CASZ1: variants seen among roughly 807,000 people sequenced by gnomAD.
CASZ1 encodes the protein castor zinc finger 1.
Under a neutral mutation model 135.2 loss-of-function variants are expected in CASZ1, and 28 were observed. The observed-to-expected ratio is 0.21, with a 90% CI of 0.15 to 0.28. CASZ1 has a LOEUF of 0.28. Among genes scored for constraint, CASZ1 ranks in the 10% least tolerant of loss-of-function variants. The probability of loss-of-function intolerance (pLI) is 1.00; values close to 1 mark genes in which losing one functional copy is unlikely to be tolerated. For missense variants in CASZ1, 2,161 were observed against 2,453.3 expected, an observed-to-expected ratio of 0.88 and a Z score of 2.52; for synonymous variants, 1,068 against 1,073.4, an observed-to-expected ratio of 0.99 and a Z score of 0.10.
At position 10,719,902 on chromosome 1, in the gene CASZ1, T is replaced by G. The variant is rs556031542; in HGVS notation, c.-76-14358A>C. Among the ~76,000 whole-genome samples, 1 of 152,366 alleles carries G rather than the reference T, an allele frequency of 6.6e-6. No homozygotes were observed. Among genetic ancestry groups the G allele is most frequent in the East Asian group, 1.9e-4 (1 of 5,186 alleles). On this transcript the variant is annotated intron_variant, in intron 2 of 20. Coordinates refer to ENST00000377022, the MANE Select transcript of CASZ1 (RefSeq NM_001079843.3). This position sits in a 1 kb window ranked among gnomAD's most constrained non-coding sequence, Gnocchi z 4.0. The stretch of plus-strand genomic sequence containing the variant: ...CTGAGAGGAGGCAAATCTTGTCTTC[T>G]TGGTGCAGTGAAGAGGCCAGCAGTG...
Position 10,659,744 on chromosome 1 carries a change from GAGA to G in CASZ1, c.1295_1297del (p.Phe432del), listed in dbSNP as rs1381123277. On this transcript the variant is annotated inframe_deletion, in exon 6 of 21. Coordinates refer to ENST00000377022, the MANE Select transcript of CASZ1 (RefSeq NM_001079843.3). ...CCCCGTGGTGATGGAGTCTGTTTTG[GAGA>G]AGGTTGACTTCAGGTACTCGGGAGT... The G allele has an allele frequency of 1.2e-5, 20 of 1,614,074 alleles. No homozygotes were observed. Among genetic ancestry groups the G allele is most frequent in the Non-Finnish European group, 1.6e-5 (19 of 1,179,946 alleles).
chr1:10,688,760 AGAG>A (rs1638673898), intron 4 of CASZ1, among the ~76,000 whole-genome samples: 1 of 152,150 alleles, frequency 6.6e-6, no homozygotes, highest in Non-Finnish European at 1.5e-5. Context: ...CCAGGCAGCC[AGAG>A]GGGTGTGCGC....
At position 10,756,039 on chromosome 1, in the gene CASZ1, C is replaced by G. The variant is rs1640248833; in HGVS notation, c.-77+4662G>C. 6.6e-6 allele frequency among the ~76,000 whole-genome samples: 1 copy of G among 152,178 alleles called. No individual in the cohort carries two copies. Among genetic ancestry groups the G allele is most frequent in the Non-Finnish European group, 1.5e-5 (1 of 68,022 alleles). On this transcript the variant is annotated intron_variant, in intron 2 of 20. Transcript: ENST00000377022. The surrounding 1 kb of genome is among the most constrained non-coding windows in gnomAD (Gnocchi z 5.9). ...GTGCACAGATGCACACGCCTCCCAC[C>G]CGGACACACCCTCCCCCAGGGCCGG...
rs1156824348 is a variant in CASZ1, at chr1:10,691,106, C to CT, written c.16+2767dup. On this transcript the variant is annotated intron_variant, in intron 4 of 20. Coordinates refer to ENST00000377022, the MANE Select transcript of CASZ1 (RefSeq NM_001079843.3). ...CTCCCTCCCTCCCTCCCTCTCTTTC[C>CT]TTTTTTTTTTATTAGCATTTGTGGA... 3.8e-4 allele frequency among the ~76,000 whole-genome samples: 50 copies of CT among 130,030 alleles called. 1 individual carries two copies. In the East Asian group the frequency reaches 4.1e-3, roughly 11 times the overall value. 85.3% of individuals were successfully genotyped at this position (130,030 alleles called of 152,430 possible). A position where few individuals can be genotyped will look rare whatever the true frequency, so the allele number is the denominator to read the frequency against.
intron 2 of CASZ1, among the ~76,000 whole-genome samples, chr1:10,708,239 C>T (rs556682566): frequency 1.3e-5 from 2 of 152,194 alleles, no homozygotes; most frequent in Non-Finnish European, 2.9e-5. Context: ...TTCTGACCTC[C>T]TTCCTCCTGT....
intron 1 of CASZ1, among the ~76,000 whole-genome samples, chr1:10,768,054 C>A (rs944981768): frequency 1.3e-5 from 2 of 152,176 alleles, no homozygotes; most frequent in African/African-American, 4.8e-5. Context: ...TCACAAGGAG[C>A]GGGAGGCCTG....
In CASZ1 at chr1:10,657,399, G is replaced by A. The variant is rs1420751495; in HGVS notation, c.1410-663C>T. On this transcript the variant is annotated intron_variant, in intron 7 of 20. Coordinates refer to ENST00000377022, the MANE Select transcript of CASZ1 (RefSeq NM_001079843.3). This position sits in a 1 kb window ranked among gnomAD's most constrained non-coding sequence, Gnocchi z 5.7. ...CACTCTGGAGAGGCCACACCATGAC[G>A]ACTGTGGAGAAGGGTGTGACTCAGC... 2.6e-5 allele frequency among the ~76,000 whole-genome samples: 4 copies of A among 152,176 alleles called. No individual in the cohort carries two copies. Among genetic ancestry groups the A allele is most frequent in the Non-Finnish European group, 4.4e-5 (3 of 68,032 alleles).
Position 10,735,881 on chromosome 1 carries a change from C to G in CASZ1, c.-77+24820G>C, listed in dbSNP as rs1430047513. On this transcript the variant is annotated intron_variant, in intron 2 of 20. Coordinates refer to ENST00000377022, the MANE Select transcript of CASZ1 (RefSeq NM_001079843.3). The surrounding 1 kb of genome is among the most constrained non-coding windows in gnomAD (Gnocchi z 5.1). ...GGATCAGGGGCAGCCCCAGGCACATCAGGTTGAAAATGTGCTTTTTCAGCC... is the reference window on the plus strand; with the variant it reads ...GGATCAGGGGCAGCCCCAGGCACATGAGGTTGAAAATGTGCTTTTTCAGCC... Among the ~76,000 whole-genome samples the G allele has an allele frequency of 6.6e-6, 1 of 152,156 alleles. No homozygotes were observed. The highest frequency in any genetic ancestry group is 1.5e-5 in the Non-Finnish European group (1 of 68,028).
In CASZ1 at chr1:10,684,000, G is replaced by A. The variant is rs1570471198; in HGVS notation, c.16+9874C>T. Among the ~76,000 whole-genome samples, 3 of 152,316 alleles carry A rather than the reference G, an allele frequency of 2.0e-5. No homozygotes were observed. The East Asian group carries it at 5.8e-4, about 29-fold the overall frequency. On this transcript the variant is annotated intron_variant, in intron 4 of 20. Coordinates refer to ENST00000377022, the MANE Select transcript of CASZ1 (RefSeq NM_001079843.3). Reference sequence around the variant, plus strand: ...TTGGAACAGTGCTCAGGGGCGCCCCGCACCAAGTCCTCTGACATTTAGCAT... The same window carrying A: ...TTGGAACAGTGCTCAGGGGCGCCCCACACCAAGTCCTCTGACATTTAGCAT...
chr1:10,677,992 G>T (rs1012072446), intron 4 of CASZ1, among the ~76,000 whole-genome samples: 3 of 152,236 alleles, frequency 2.0e-5, no homozygotes, highest in Non-Finnish European at 4.4e-5. Context: ...GGTAGGACGT[G>T]TGTGGCAGGA....
rs922724550 is a variant in CASZ1 at position 10,647,935 on chromosome 1, C to G, written c.3363G>C (p.Gln1121His). ...PSTPTLLAWK[Q>H]LASTIPQMPQ... The stretch of plus-strand genomic sequence containing the variant: ...GCATCTGGGGTATGGTGGAAGCCAG[C>G]TGCTTCCAGGCGAGCAGGGTGGGGG... Residue 1121 changes from glutamine to histidine, a missense_variant, in exon 16 of 21, where the codon CAG (glutamine) becomes CAC (histidine). Physicochemically the swap from Gln to His is conservative, Grantham distance 24. Transcript: ENST00000377022. The surrounding 1 kb of genome is among the most constrained non-coding windows in gnomAD (Gnocchi z 4.9). The G allele has an allele frequency of 1.7e-5, 27 of 1,612,782 alleles. No homozygotes were observed. Among genetic ancestry groups the G allele is most frequent in the Non-Finnish European group, 2.2e-5 (26 of 1,179,466 alleles).
In CASZ1 at chr1:10,721,786, G is replaced by A. The variant is rs1161909704; in HGVS notation, c.-76-16242C>T. Among the ~76,000 whole-genome samples the A allele has an allele frequency of 1.3e-5, 2 of 152,256 alleles. No homozygotes were observed. The highest frequency in any genetic ancestry group is 4.8e-5 in the African/African-American group (2 of 41,478). ...GGAGGCCTCAGGCAGCTTCAGCCCA[G>A]CAAGTCTCTGGGTCGTGGTGGAGGC... On this transcript the variant is annotated intron_variant, in intron 2 of 20. Coordinates refer to ENST00000377022, the MANE Select transcript of CASZ1 (RefSeq NM_001079843.3). The surrounding 1 kb of genome is among the most constrained non-coding windows in gnomAD (Gnocchi z 5.4).
intron 1 of CASZ1, among the ~76,000 whole-genome samples, chr1:10,779,552 TA>T (rs773687159): frequency 2.5e-4 from 38 of 152,210 alleles, no homozygotes; most frequent in South Asian, 1.2e-3. Flanking sequence ...TTTTTAATCA[TA>T]GGGGGGGAAT....
In CASZ1 at chr1:10,711,232, G is replaced by A. The variant is rs2100457444; in HGVS notation, c.-76-5688C>T. Among the ~76,000 whole-genome samples, 1 of 152,356 alleles carries A rather than the reference G, an allele frequency of 6.6e-6. No homozygotes were observed. Among genetic ancestry groups the A allele is most frequent in the African/African-American group, 2.4e-5 (1 of 41,590 alleles). ...CTCCTGCCATGCAATTGGGTACGCA[G>A]GCTGCTTAACCTCTCCAGGCCCCAG... On this transcript the variant is annotated intron_variant, in intron 2 of 20. Coordinates refer to ENST00000377022, the MANE Select transcript of CASZ1 (RefSeq NM_001079843.3). The surrounding 1 kb of genome is among the most constrained non-coding windows in gnomAD (Gnocchi z 4.4).
intron 4 of CASZ1, among the ~76,000 whole-genome samples, chr1:10,669,584 C>T (rs1452453414): frequency 2.6e-5 from 4 of 152,188 alleles, no homozygotes; most frequent in South Asian, 4.1e-4. Context: ...GTGAGAGGGG[C>T]GTTCCTGTAG....
intron 2 of CASZ1, among the ~76,000 whole-genome samples, chr1:10,743,168 G>A (rs1639958685): frequency 6.6e-6 from 1 of 152,142 alleles, no homozygotes; most frequent in African/African-American, 2.4e-5. Flanking sequence ...CAGGACAGAG[G>A]GGCAGAGGCT....
chr1:10,745,914 G>A lies in CASZ1; in HGVS notation c.-77+14787C>T, dbSNP rs1020915348. Among the ~76,000 whole-genome samples the A allele has an allele frequency of 1.3e-4, 20 of 152,314 alleles. 1 individual carries two copies. In the East Asian group the frequency reaches 3.9e-3, roughly 29 times the overall value. On this transcript the variant is annotated intron_variant, in intron 2 of 20. Coordinates refer to ENST00000377022, the MANE Select transcript of CASZ1 (RefSeq NM_001079843.3). Reference sequence around the variant, plus strand: ...TCAAACACAAGGTGTGGATCAAGAGGGGAAAAGGAGGCCTGGTGGCCGTGG... The same window carrying A: ...TCAAACACAAGGTGTGGATCAAGAGAGGAAAAGGAGGCCTGGTGGCCGTGG...
At chr1:10,780,857 C>T (rs1051596260) in intron 1 of CASZ1, among the ~76,000 whole-genome samples, 7 of 152,286 alleles carry the variant, frequency 4.6e-5, no homozygotes, top group African/African-American at 1.7e-4. Flanking sequence ...CAATGGGAAT[C>T]GAACCACTGC....
At position 10,669,674 on chromosome 1, in the gene CASZ1, C is replaced by G. The variant is rs138740537; in HGVS notation, c.17-4103G>C. On this transcript the variant is annotated intron_variant, in intron 4 of 20. Coordinates refer to ENST00000377022, the MANE Select transcript of CASZ1 (RefSeq NM_001079843.3). ...ACCTGGTCAGGGCCAGGCCCCCTCC[C>G]GCAGGCATCCTGGGTTCAAGGGGAG... is the stretch of plus-strand genomic sequence containing the variant. 3.6e-4 allele frequency among the ~76,000 whole-genome samples: 55 copies of G among 152,292 alleles called. No individual in the cohort carries two copies. The East Asian group carries it at 4.8e-3, about 13-fold the overall frequency.
Sources: gnomAD v4.1 joint callset for allele counts (sites outside exome capture counted in the v4.1 genomes callset) on GRCh38, gnomAD v4.1.1 for gene constraint, Gnocchi (gnomAD v3.1) non-coding constraint, MANE v1.5 for transcripts, NCBI Gene and HGNC (gene_info 2026-07-23, HGNC 2026-07-21) for gene names.